Variants in TNR observed in about 807,000 individuals in gnomAD.
TNR encodes the protein tenascin R.
Under a neutral mutation model 150.4 loss-of-function variants are expected in TNR, and 45 were observed. That is an observed-to-expected ratio of 0.30 (90% CI 0.24 to 0.38). TNR has a LOEUF of 0.38. Ranked by LOEUF, TNR falls within the 10% of genes least tolerant of loss-of-function variation. The pLI is 1.00. For synonymous variants in TNR, 687 were observed against 678.4 expected (o/e 1.01, Z -0.20); for missense variants, 1,544 against 1,759.1 (o/e 0.88, Z 2.19).
intron 1 of TNR, among the ~76,000 whole-genome samples, chr1:175,719,099 T>C (rs1003670804): frequency 6.6e-6 from 1 of 152,190 alleles, no homozygotes; most frequent in African/African-American, 2.4e-5. Flanking sequence ...TTTCTCTTTC[T>C]CCTCCTCCAG....
intron 2 of TNR, among the ~76,000 whole-genome samples, chr1:175,427,658 TTTCCTTCCTTCCTTCC>T (rs199692758): frequency 0.14 from 16,671 of 116,500 alleles, 769 homozygotes; most frequent in South Asian, 0.17. Flanking sequence ...AAGTGTTTTG[TTTCCTTCCTTCCTTCC>T]TTCCTTCCTT....
chr1:175,363,869 A>G (rs1176070251), intron 12 of TNR, 42 bp from the exon 13 acceptor site: 4 of 1,575,406 alleles, frequency 2.5e-6, no homozygotes, highest in South Asian at 1.2e-5. Context: ...CAGAAAGCAC[A>G]GTGTGAAAAA....
intron 2 of TNR, among the ~76,000 whole-genome samples, chr1:175,500,562 G>A (rs1658690364): frequency 6.6e-6 from 1 of 152,112 alleles, no homozygotes; most frequent in Non-Finnish European, 1.5e-5. Context: ...GGACAAGCAT[G>A]TGTTTGACTT....
rs528594976 is a variant in TNR at position 175,680,708 on chromosome 1, G to A, written c.-165+62518C>T. Among the ~76,000 whole-genome samples, 4 of 152,282 alleles carry A rather than the reference G, an allele frequency of 2.6e-5. No homozygotes were observed. In the South Asian group the frequency reaches 8.3e-4, roughly 32 times the overall value. On this transcript the variant is annotated intron_variant, in intron 1 of 22. Transcript: ENST00000367674. ...ATAAGGGGTGGGGACAGGGCATGGG[G>A]GACTAACACAGAGATGACAGTGAGT...
chr1:175,535,018 C>A (rs557100935), intron 1 of TNR, among the ~76,000 whole-genome samples: 3 of 152,156 alleles, frequency 2.0e-5, no homozygotes, highest in Non-Finnish European at 2.9e-5. Context: ...TTGTAAGTTT[C>A]CTGATCTGTG....
chr1:175,340,854 C>G (rs911617902), intron 18 of TNR, among the ~76,000 whole-genome samples: 3 of 152,154 alleles, frequency 2.0e-5, no homozygotes, highest in Admixed American at 2.0e-4. Flanking sequence ...GAATGTCTGT[C>G]TCTCTCTCCC....
chr1:175,406,042 A>G (rs1218400039), intron 3 of TNR, among the ~76,000 whole-genome samples, 174 bp downstream of exon 3: 1 of 152,134 alleles, frequency 6.6e-6, no homozygotes. Flanking sequence ...AGACATATTA[A>G]CCGGCAGCTA....
chr1:175,580,431 C>T (rs1432327470), intron 1 of TNR, among the ~76,000 whole-genome samples: 5 of 152,192 alleles, frequency 3.3e-5, no homozygotes, highest in Non-Finnish European at 7.3e-5. Flanking sequence ...CAAGGGAGGG[C>T]TGTCATTCAA....
intron 9 of TNR, among the ~76,000 whole-genome samples, chr1:175,375,450 C>A (rs1038217254): frequency 6.6e-6 from 1 of 151,576 alleles, no homozygotes; most frequent in Non-Finnish European, 1.5e-5. Flanking sequence ...AGAAGGAATT[C>A]TCTGGACATT....
Position 175,605,275 on chromosome 1 carries a change from T to C in TNR, c.-164-76906A>G, listed in dbSNP as rs74403944. Among the ~76,000 whole-genome samples, 637 of 152,340 alleles carry C rather than the reference T, an allele frequency of 4.2e-3. 4 individuals carry two copies. The highest frequency in any genetic ancestry group is 0.015 in the African/African-American group (604 of 41,574). ...AAAGTTATTTAACCTTTCCAAAAAT[T>C]TCAATTTTCTTATCTGCAAAATGGT... is the stretch of plus-strand genomic sequence containing the variant. On this transcript the variant is annotated intron_variant, in intron 1 of 22. Transcript: ENST00000367674.
At chr1:175,478,958 C>A (rs1557958889) in intron 2 of TNR, among the ~76,000 whole-genome samples, 1 of 152,172 alleles carries the variant, frequency 6.6e-6, no homozygotes, top group East Asian at 1.9e-4. Context: ...ATATGGGTTA[C>A]ATTAGTCTGT....
At chr1:175,493,805 T>C (rs1282227509) in intron 2 of TNR, among the ~76,000 whole-genome samples, 2 of 152,158 alleles carry the variant, frequency 1.3e-5, no homozygotes, top group African/African-American at 4.8e-5. Flanking sequence ...AGAGAGTCCA[T>C]ATGGCTGCGT....
chr1:175,394,939 C>T (rs1179652856), intron 5 of TNR, among the ~76,000 whole-genome samples: 1 of 152,140 alleles, frequency 6.6e-6, no homozygotes, highest in Non-Finnish European at 1.5e-5. Context: ...GGAGTTAGGC[C>T]AGGCACTTAG....
At chr1:175,525,996 T>C (rs1470918679) in intron 2 of TNR, among the ~76,000 whole-genome samples, 3 of 150,526 alleles carry the variant, frequency 2.0e-5, no homozygotes, top group Non-Finnish European at 4.4e-5. Context: ...CATTTGTTTA[T>C]GTCCACTTTT....
At chr1:175,638,295 C>A (rs1467813945) in intron 1 of TNR, among the ~76,000 whole-genome samples, 1 of 152,200 alleles carries the variant, frequency 6.6e-6, no homozygotes, top group Non-Finnish European at 1.5e-5. Context: ...TAGTCACTGA[C>A]AATAACCAAC....
chr1:175,618,506 C>T (rs1663852770), intron 1 of TNR, among the ~76,000 whole-genome samples: 2 of 152,162 alleles, frequency 1.3e-5, no homozygotes, highest in South Asian at 4.2e-4. Context: ...GCTTTTGTTC[C>T]ATGCTATTAA....
At chr1:175,416,576 A>G (rs1469208220) in intron 2 of TNR, among the ~76,000 whole-genome samples, 1 of 152,120 alleles carries the variant, frequency 6.6e-6, no homozygotes, top group East Asian at 1.9e-4. Flanking sequence ...ATTACCTTTC[A>G]TCTTTTTCTT....
At chr1:175,524,416 CT>C (rs1314843793) in intron 2 of TNR, among the ~76,000 whole-genome samples, 1 of 151,810 alleles carries the variant, frequency 6.6e-6, no homozygotes, top group Admixed American at 6.6e-5. Context: ...CAAGGGAAAG[CT>C]TTTTGTTTGT....
chr1:175,554,668 G>A (rs972388475), intron 1 of TNR, among the ~76,000 whole-genome samples: 1 of 151,792 alleles, frequency 6.6e-6, no homozygotes, highest in Non-Finnish European at 1.5e-5. Flanking sequence ...TGCTGGCCCT[G>A]CTAAGGACAG....
Sources: allele counts gnomAD v4.1 joint callset (sites outside exome capture counted in the v4.1 genomes callset), GRCh38; gene constraint gnomAD v4.1.1; transcripts MANE v1.5; gene names NCBI Gene and HGNC (gene_info 2026-07-23, HGNC 2026-07-21).